The following NPEPPS variants were observed in gnomAD, a reference collection of about 807,000 sequenced individuals.
The protein encoded by NPEPPS is puromycin-sensitive aminopeptidase.
Under a neutral mutation model 115.5 loss-of-function variants are expected in NPEPPS, and 14 were observed. The observed-to-expected ratio is 0.12, with a 90% CI of 0.08 to 0.19. NPEPPS has a LOEUF of 0.19. Ranked by LOEUF, NPEPPS falls within the 10% of genes least tolerant of loss-of-function variation. The probability of loss-of-function intolerance (pLI) is 1.00; values close to 1 mark genes in which losing one functional copy is unlikely to be tolerated. For missense variants in NPEPPS, 523 were observed against 1,110.8 expected (o/e 0.47, Z 7.52); for synonymous variants, 285 against 390.6 (o/e 0.73, Z 3.19).
chr17:47,547,895 G>A (rs1332087566), intron 2 of NPEPPS, among the ~76,000 whole-genome samples: 3 of 152,086 alleles, frequency 2.0e-5, no homozygotes, highest in South Asian at 2.1e-4. Context: ...GCGTGGTGGC[G>A]GGCGCCTGTG....
chr17:47,553,476 C>T (rs530670201), intron 2 of NPEPPS, among the ~76,000 whole-genome samples: 1 of 151,500 alleles, frequency 6.6e-6, no homozygotes, highest in African/African-American at 2.4e-5. Context: ...TTGAATGAAA[C>T]GAAGAAAATC....
chr17:47,575,664 G>A (rs1257613939), intron 3 of NPEPPS, among the ~76,000 whole-genome samples: 1 of 151,008 alleles, frequency 6.6e-6, no homozygotes, highest in Non-Finnish European at 1.5e-5. Context: ...GAGTGCAGTG[G>A]CGCGATCTCA....
intron 2 of NPEPPS, among the ~76,000 whole-genome samples, chr17:47,547,756 G>A (rs567790517): frequency 6.6e-6 from 1 of 152,258 alleles, no homozygotes; most frequent in African/African-American, 2.4e-5. Context: ...GCCGGGCGCG[G>A]TGGCTCACGC....
intron 3 of NPEPPS, among the ~76,000 whole-genome samples, chr17:47,574,011 CCT>C (rs1185054385): frequency 6.6e-6 from 1 of 151,862 alleles, no homozygotes; most frequent in Non-Finnish European, 1.5e-5. Flanking sequence ...AAAAATTACA[CCT>C]CTGAATAATT....
At chr17:47,598,001 A>G (rs1347779791) in intron 13 of NPEPPS, among the ~76,000 whole-genome samples, 1 of 152,182 alleles carries the variant, frequency 6.6e-6, no homozygotes, top group Non-Finnish European at 1.5e-5. Flanking sequence ...GTGACCTGCC[A>G]CTGTGACCAG....
intron 1 of NPEPPS, among the ~76,000 whole-genome samples, chr17:47,535,322 C>T (rs1433717144): frequency 7.0e-5 from 10 of 143,572 alleles, no homozygotes; most frequent in South Asian, 2.2e-4. Flanking sequence ...GAGGCAGAGG[C>T]GGGCAGATCA....
intron 19 of NPEPPS, among the ~76,000 whole-genome samples, chr17:47,616,591 G>A (rs1914215545): frequency 6.6e-6 from 1 of 151,916 alleles, no homozygotes; most frequent in South Asian, 2.1e-4. Flanking sequence ...GGCTGAGGCA[G>A]GAGCATTGCT....
At position 47,559,506 on chromosome 17, in the gene NPEPPS, AT is replaced by A. The variant is rs1296123286; in HGVS notation, c.341-9906del. The A allele has an allele frequency of 1.5e-5, 3 of 200,598 alleles. No individual in the cohort carries two copies. The East Asian group carries it at 4.5e-4, about 30-fold the overall frequency. 12.4% of individuals were successfully genotyped at this position (200,598 alleles called of 1,614,324 possible). On this transcript the variant is annotated intron_variant, in intron 2 of 22. Transcript: ENST00000322157. Reference sequence around the variant, plus strand: ...AAATTTTTCAGGATTGGGATTTTATATTTTTGAACATAGTAAGCAGGTATAT... The same window carrying A: ...AAATTTTTCAGGATTGGGATTTTATATTTTGAACATAGTAAGCAGGTATAT...
chr17:47,620,742 G>C (rs1914516637), intron 22 of NPEPPS, among the ~76,000 whole-genome samples: 1 of 152,154 alleles, frequency 6.6e-6, no homozygotes, highest in African/African-American at 2.4e-5. Context: ...TCACACCTGT[G>C]GTGACTAATT....
Position 47,622,103 on chromosome 17 carries a change from A to G in NPEPPS, c.*183A>G. 1 of 1,288,756 alleles carries G rather than the reference A, an allele frequency of 7.8e-7. No individual in the cohort carries two copies. Among genetic ancestry groups the G allele is most frequent in the South Asian group, 2.9e-5 (1 of 34,020 alleles). The allele number at this position is 1,288,756 out of a possible 1,614,324, so 79.8% of individuals were successfully genotyped here. A position where few individuals can be genotyped will look rare whatever the true frequency, so the allele number is the denominator to read the frequency against. ...GAATTAAATTCTATTGAAAAAGGAAAATCAGCAATTCAGCAAAAAATAAAT... is the reference window on the plus strand; with the variant it reads ...GAATTAAATTCTATTGAAAAAGGAAGATCAGCAATTCAGCAAAAAATAAAT... On this transcript the variant is annotated 3_prime_UTR_variant, in exon 23 of 23. Coordinates refer to ENST00000322157, the MANE Select transcript of NPEPPS (RefSeq NM_006310.4).
intron 3 of NPEPPS, among the ~76,000 whole-genome samples, chr17:47,575,844 G>A (rs576260619): frequency 2.0e-4 from 31 of 151,912 alleles, no homozygotes; most frequent in African/African-American, 7.2e-4. Flanking sequence ...TCCTGACCTC[G>A]TGATCCGCCC....
intron 19 of NPEPPS, among the ~76,000 whole-genome samples, chr17:47,615,851 T>G (rs779992575): frequency 5.3e-5 from 8 of 152,200 alleles, no homozygotes; most frequent in Non-Finnish European, 1.2e-4. Context: ...GATAATCAGC[T>G]TCACTATGGA....
At chr17:47,528,635 A>AT (rs972610680), upstream of NPEPPS, among the ~76,000 whole-genome samples, 1,669 of 147,304 alleles carry the variant, frequency 0.011, 28 homozygotes, top group African/African-American at 0.038. Flanking sequence ...TATCTCATTA[A>AT]TTTTTTTTTT....
rs1912241049 is a variant in NPEPPS, at chr17:47,587,147, G to A, written c.981-83G>A. The A allele has an allele frequency of 1.7e-5, 23 of 1,390,864 alleles. No individual in the cohort carries two copies. In the South Asian group the frequency reaches 3.6e-4, roughly 22 times the overall value. 86.2% of individuals were successfully genotyped at this position (1,390,864 alleles called of 1,614,324 possible). A position where few individuals can be genotyped will look rare whatever the true frequency, so the allele number is the denominator to read the frequency against. ...TCTCTAAAGCCTAACTTGTCCATCT[G>A]ACTTACTGTCTGAATCTTCCCAACT... On this transcript the variant is annotated intron_variant, in intron 8 of 22. Coordinates refer to ENST00000322157, the MANE Select transcript of NPEPPS (RefSeq NM_006310.4).
intron 2 of NPEPPS, among the ~76,000 whole-genome samples, chr17:47,561,938 G>A (rs1910456287): frequency 6.6e-6 from 1 of 152,196 alleles, no homozygotes; most frequent in South Asian, 2.1e-4. Flanking sequence ...ATTTCTACAC[G>A]GTTGTCCATG....
At chr17:47,544,218 A>G (rs1242549112) in intron 1 of NPEPPS, among the ~76,000 whole-genome samples, 3 of 151,732 alleles carry the variant, frequency 2.0e-5, no homozygotes, top group Non-Finnish European at 4.4e-5. Context: ...TTTAGTGGAG[A>G]TGGGGTCTCT....
intron 2 of NPEPPS, 102 bp downstream of exon 2, chr17:47,546,095 A>G (rs1237482333): frequency 2.5e-5 from 38 of 1,503,602 alleles, no homozygotes; most frequent in Non-Finnish European, 3.2e-5. Flanking sequence ...AGAGAGAGAC[A>G]TTTTCAGGTT....
intron 16 of NPEPPS, 104 bp from the exon 17 acceptor site, chr17:47,605,229 T>A: frequency 1.3e-6 from 1 of 748,572 alleles, no homozygotes; most frequent in Non-Finnish European, 2.2e-6. Context: ...TCCCATTTCC[T>A]TAAACCAAAG....
At chr17:47,570,227 G>A (rs1222455253) in intron 3 of NPEPPS, among the ~76,000 whole-genome samples, 1 of 152,176 alleles carries the variant, frequency 6.6e-6, no homozygotes, top group East Asian at 1.9e-4. Context: ...TTAGGGACCA[G>A]CATGGCGAAC....
Sources: allele counts gnomAD v4.1 joint callset (sites outside exome capture counted in the v4.1 genomes callset), GRCh38; gene constraint gnomAD v4.1.1; transcripts MANE v1.5; gene names NCBI Gene and HGNC (gene_info 2026-07-23, HGNC 2026-07-21).